Variants in MPP3 observed in about 807,000 individuals in gnomAD.
The protein encoded by MPP3 is MAGUK p55 scaffold protein 3, also known as MAGUK p55 subfamily member 3.
A neutral mutation model predicts 80.7 loss-of-function variants in MPP3; 48 were observed. That is an observed-to-expected ratio of 0.59 (90% CI 0.47 to 0.76). The LOEUF (loss-of-function observed/expected upper bound fraction) is 0.76. Among genes scored for constraint, MPP3 ranks in the 30% least tolerant of loss-of-function variants. The pLI is 0.00. For synonymous variants in MPP3, 311 were observed against 297.6 expected (o/e 1.04, Z -0.46); for missense variants, 620 against 763.0 (o/e 0.81, Z 2.21).
At chr17:43,804,506 G>A (rs925708752) in intron 19 of MPP3, among the ~76,000 whole-genome samples, 2 of 152,118 alleles carry the variant, frequency 1.3e-5, no homozygotes, top group African/African-American at 4.8e-5. Flanking sequence ...AATGAAGTTG[G>A]ACCCCTACTT....
Position 43,833,096 on chromosome 17 carries a change from C to G in MPP3, c.-97+5G>C, listed in dbSNP as rs2046056902. The G allele has an allele frequency of 6.6e-6, 1 of 151,890 alleles. No homozygotes were observed. The highest frequency in any genetic ancestry group is 2.4e-5 in the African/African-American group (1 of 41,392). 9.4% of individuals were successfully genotyped at this position (151,890 alleles called of 1,614,324 possible). A position where few individuals can be genotyped will look rare whatever the true frequency, so the allele number is the denominator to read the frequency against. ...CCCTCGTCCGTTCCCCTCGCGGCCTCCTACCTCGTCGCGCCGGGATGTGTG... is the reference window on the plus strand; with the variant it reads ...CCCTCGTCCGTTCCCCTCGCGGCCTGCTACCTCGTCGCGCCGGGATGTGTG... On this transcript the variant is annotated splice_donor_5th_base_variant and intron_variant, in intron 1 of 19. Transcript: ENST00000398389.
intron 19 of MPP3, among the ~76,000 whole-genome samples, chr17:43,807,782 CCT>C (rs1224051184): frequency 2.6e-5 from 4 of 152,024 alleles, no homozygotes; most frequent in African/African-American, 9.6e-5. Flanking sequence ...ACAGAGACAC[CCT>C]GTCTCTATAA....
intron 11 of MPP3, among the ~76,000 whole-genome samples, chr17:43,820,387 G>A (rs991553264): frequency 1.4e-4 from 21 of 151,990 alleles, no homozygotes; most frequent in Admixed American, 3.3e-4. Context: ...GATCACTTGA[G>A]GCCAGGAGTT....
At chr17:43,811,323 TCCACCTCATTGCATGTCCCTG>T in intron 16 of MPP3, 118 bp from the exon 17 acceptor site, 1 of 728,250 alleles carries the variant, frequency 1.4e-6, no homozygotes, top group South Asian at 1.6e-5. Context: ...ACCAGGCACT[TCCACCTCATTGCATGTCCCTG>T]TATCAGGCAC....
At chr17:43,811,950 T>C in intron 16 of MPP3, among the ~76,000 whole-genome samples, 1 of 152,236 alleles carries the variant, frequency 6.6e-6, no homozygotes, top group Non-Finnish European at 1.5e-5. Flanking sequence ...TTTTAATTCT[T>C]CATTGTTTTT....
Position 43,827,803 on chromosome 17 carries a change from T to C in MPP3, c.471A>G (p.Ser157=). 1.2e-6 allele frequency: 2 copies of C among 1,613,110 alleles called. No homozygotes were observed. The highest frequency in any genetic ancestry group is 1.7e-6 in the Non-Finnish European group (2 of 1,179,946). ...LGATIRRDEH[S]GAVVVARIMR... ...TGATCCTGGCCACCACAACAGCCCC[T>C]GAGTGCTCGTCCCGCCGGATGGTGG... The change falls in exon 8 of 20, where the codon TCA becomes TCG. Residue 157 remains serine (S), a synonymous_variant. Transcript: ENST00000398389.
chr17:43,822,463 C>A (rs2045505526), intron 10 of MPP3, among the ~76,000 whole-genome samples: 1 of 151,842 alleles, frequency 6.6e-6, no homozygotes, highest in Admixed American at 6.6e-5. Context: ...TTTGCCTTGG[C>A]TGCCAGGAAA....
At chr17:43,812,634 T>G (rs913490945) in intron 16 of MPP3, among the ~76,000 whole-genome samples, 2 of 152,172 alleles carry the variant, frequency 1.3e-5, no homozygotes, top group Non-Finnish European at 2.9e-5. Context: ...TCACTGCCTC[T>G]GGGAAGGCTT....
At chr17:43,820,814 G>A (rs2045416976) in intron 11 of MPP3, 48 bp downstream of exon 11, 1 of 1,578,580 alleles carries the variant, frequency 6.3e-7, no homozygotes, top group Non-Finnish European at 8.7e-7. Flanking sequence ...ATGTACCTGT[G>A]CCTCTGCCAC....
intron 14 of MPP3, 63 bp downstream of exon 14, chr17:43,815,975 C>T: frequency 7.1e-7 from 1 of 1,410,286 alleles, no homozygotes; most frequent in Non-Finnish European, 9.4e-7. Context: ...TTTGACCTCT[C>T]CCTAACTCTG....
chr17:43,810,186 T>C (rs1008211119), intron 18 of MPP3, among the ~76,000 whole-genome samples: 2 of 152,128 alleles, frequency 1.3e-5, no homozygotes, highest in Non-Finnish European at 2.9e-5. Context: ...GATCTGTTTC[T>C]ATAGAGGGGA....
At chr17:43,806,093 TTTGA>T (rs1364856040) in intron 19 of MPP3, among the ~76,000 whole-genome samples, 1 of 152,076 alleles carries the variant, frequency 6.6e-6, no homozygotes, top group Non-Finnish European at 1.5e-5. Flanking sequence ...GATTTTTTAT[TTTGA>T]TTTATTTTTT....
chr17:43,816,677 C>CACAAGA lies in MPP3; in HGVS notation c.966_967insTCTTGT (p.Lys322_Glu323insSerCys). On this transcript the variant is annotated inframe_insertion and splice_region_variant, in exon 13 of 20. Transcript: ENST00000398389. Reference sequence around the variant, plus strand: ...GACAGCGGATAGATACTGGGCCTACCTTTGTCACAAGGCTGATCATCTGCG... The same window carrying CACAAGA: ...GACAGCGGATAGATACTGGGCCTACCACAAGATTTGTCACAAGGCTGATCATCTGCG... 6.3e-7 allele frequency: 1 copy of CACAAGA among 1,576,396 alleles called. No homozygotes were observed. Among genetic ancestry groups the CACAAGA allele is most frequent in the East Asian group, 2.3e-5 (1 of 43,252 alleles).
intron 7 of MPP3, among the ~76,000 whole-genome samples, chr17:43,828,990 T>TC (rs2045839002): frequency 6.6e-6 from 1 of 152,164 alleles, no homozygotes; most frequent in Non-Finnish European, 1.5e-5. Flanking sequence ...AAGTTGGAAA[T>TC]AGAGAATGCC....
intron 7 of MPP3, among the ~76,000 whole-genome samples, chr17:43,828,691 T>C (rs1165200460): frequency 1.3e-5 from 2 of 152,234 alleles, no homozygotes; most frequent in East Asian, 3.8e-4. Context: ...GTTAACATCA[T>C]CTGTGCCATC....
At chr17:43,806,548 G>A (rs912490616) in intron 19 of MPP3, among the ~76,000 whole-genome samples, 1 of 152,090 alleles carries the variant, frequency 6.6e-6, no homozygotes, top group Non-Finnish European at 1.5e-5. Context: ...ACTGAGTCCT[G>A]ACAGTGAACA....
chr17:43,829,374 T>C (rs2045854650), intron 7 of MPP3, among the ~76,000 whole-genome samples: 2 of 152,218 alleles, frequency 1.3e-5, no homozygotes, highest in Non-Finnish European at 2.9e-5. Flanking sequence ...CCTTGGGCTG[T>C]AGTTTGTCCA....
Position 43,816,038 on chromosome 17 carries a change from C to A in MPP3, c.1009G>T (p.Ala337Ser). ...CEGYLKGHYVAGLRRSFRLGC... is the reference protein window; with the variant it reads ...CEGYLKGHYVSGLRRSFRLGC... The stretch of plus-strand genomic sequence containing the variant: ...GTGGGTGTCAGGGGGAGCTACTTAC[C>A]CACATAGTGCCCTTTGAGGTAGCCC... The change falls in exon 14 of 20, where the codon GCT becomes TCT. Residue 337 changes from alanine to serine, a missense_variant and splice_region_variant. Physicochemically the swap from Ala to Ser is moderately conservative, Grantham distance 99. Transcript: ENST00000398389. 2 of 1,499,332 alleles carry A rather than the reference C, an allele frequency of 1.3e-6. No homozygotes were observed. Among genetic ancestry groups the A allele is most frequent in the Non-Finnish European group, 1.8e-6 (2 of 1,129,604 alleles). The allele number at this position is 1,499,332 out of a possible 1,614,324, so 92.9% of individuals were successfully genotyped here.
At chr17:43,829,502 G>T in intron 7 of MPP3, 152 bp downstream of exon 7, 1 of 860,488 alleles carries the variant, frequency 1.2e-6, no homozygotes, top group Non-Finnish European at 1.8e-6. Context: ...GGGGTGCCCT[G>T]CACACAGAGG....
Sources: allele counts gnomAD v4.1 joint callset (sites outside exome capture counted in the v4.1 genomes callset), GRCh38; gene constraint gnomAD v4.1.1; transcripts MANE v1.5; gene names NCBI Gene and HGNC (gene_info 2026-07-23, HGNC 2026-07-21).